NRG4: variants seen among roughly 807,000 people sequenced by gnomAD.
NRG4 encodes the protein pro-neuregulin-4, membrane-bound isoform.
NRG4 carries 10 observed loss-of-function variants against 15.0 expected under a neutral mutation model. The observed-to-expected ratio is 0.67, with a 90% CI of 0.41 to 1.13. The LOEUF (loss-of-function observed/expected upper bound fraction) is 1.13, where lower values mean the gene tolerates loss of function less well. NRG4 is among the 50% of genes most tolerant of loss of function. The pLI is 0.00. For synonymous variants in NRG4, 41 were observed against 50.1 expected (o/e 0.82, Z 0.77); for missense variants, 139 against 140.2 (o/e 0.99, Z 0.04).
At chr15:76,030,102 CAAA>C (rs1208767127) in intron 5 of NRG4, among the ~76,000 whole-genome samples, 1 of 151,930 alleles carries the variant, frequency 6.6e-6, no homozygotes, top group African/African-American at 2.4e-5. Flanking sequence ...ACTAAAAATA[CAAA>C]AAATTAGCCA....
At chr15:76,025,359 A>AGC (rs2035282584) in intron 5 of NRG4, among the ~76,000 whole-genome samples, 1 of 152,160 alleles carries the variant, frequency 6.6e-6, no homozygotes, top group African/African-American at 2.4e-5. Flanking sequence ...GAATGGTGTG[A>AGC]ACCCGGCAGG....
intron 3 of NRG4, among the ~76,000 whole-genome samples, chr15:75,979,215 G>A (rs1229631023): frequency 6.6e-6 from 1 of 152,042 alleles, no homozygotes; most frequent in Non-Finnish European, 1.5e-5. Flanking sequence ...GTGTCCTAAA[G>A]CATTTCCCCC....
At chr15:75,961,735 A>G (rs2032529619) in intron 4 of NRG4, 93 bp downstream of exon 4, 1 of 883,304 alleles carries the variant, frequency 1.1e-6, no homozygotes, top group Non-Finnish European at 1.8e-6. Context: ...CAGTATCTGG[A>G]AAAATATCTA....
chr15:76,014,446 A>T (rs574470432), upstream of NRG4, among the ~76,000 whole-genome samples: 11 of 152,250 alleles, frequency 7.2e-5, no homozygotes, highest in African/African-American at 2.4e-4. Flanking sequence ...GGTATTGCCT[A>T]GGTTTCTTTC....
intron 3 of NRG4, chr15:75,971,211 A>G (rs1310663773): frequency 6.6e-6 from 3 of 455,124 alleles, no homozygotes; most frequent in South Asian, 4.7e-5. Context: ...GCCAGTTGTG[A>G]CATCTATTGG....
At chr15:76,029,066 G>A (rs2035399469) in intron 5 of NRG4, among the ~76,000 whole-genome samples, 2 of 152,006 alleles carry the variant, frequency 1.3e-5, no homozygotes, top group Non-Finnish European at 2.9e-5. Flanking sequence ...ATACTAGCAA[G>A]CCAAATCCAA....
chr15:75,946,697 C>G (rs994913660), intron 5 of NRG4, among the ~76,000 whole-genome samples: 4 of 152,132 alleles, frequency 2.6e-5, no homozygotes, highest in African/African-American at 9.7e-5. Flanking sequence ...GAAACTCTAC[C>G]CATTAAACAG....
At chr15:76,053,911 G>T (rs1175921682) in intron 2 of NRG4, among the ~76,000 whole-genome samples, 1 of 150,942 alleles carries the variant, frequency 6.6e-6, no homozygotes, top group Non-Finnish European at 1.5e-5. Flanking sequence ...ACATGTATAT[G>T]TACTCGCTGA....
In NRG4 at chr15:75,941,227, T is replaced by C. The variant is rs1158499276; in HGVS notation, c.*2411A>G. 2 of 152,054 alleles carry C rather than the reference T, an allele frequency of 1.3e-5. No individual in the cohort carries two copies. The highest frequency in any genetic ancestry group is 4.8e-5 in the African/African-American group (2 of 41,402). The allele number at this position is 152,054 out of a possible 1,614,324, so 9.4% of individuals were successfully genotyped here. The stretch of plus-strand genomic sequence containing the variant: ...AAGGAAATGCAAATCAAAACCACAT[T>C]GAGATACCACTTCATACCCACTGGG... On this transcript the variant is annotated 3_prime_UTR_variant, in exon 6 of 6. Transcript: ENST00000394907.
intron 3 of NRG4, among the ~76,000 whole-genome samples, chr15:75,996,535 A>G (rs189311861): frequency 9.6e-4 from 146 of 152,334 alleles, no homozygotes; most frequent in South Asian, 1.9e-3. Flanking sequence ...TTGAAAGGTC[A>G]GGAAACTAGA....
intron 5 of NRG4, among the ~76,000 whole-genome samples, chr15:75,951,697 A>G (rs1045628690): frequency 6.6e-6 from 1 of 152,098 alleles, no homozygotes; most frequent in African/African-American, 2.4e-5. Flanking sequence ...CATTCAGCAT[A>G]AGAACCTTAC....
intron 2 of NRG4, among the ~76,000 whole-genome samples, chr15:76,055,205 C>CGGCGGA (rs965728460): frequency 1.3e-5 from 2 of 152,170 alleles, no homozygotes; most frequent in Non-Finnish European, 2.9e-5. Flanking sequence ...ATTGCTTGAA[C>CGGCGGA]GGCGGAGGCG....
intron 5 of NRG4, among the ~76,000 whole-genome samples, chr15:75,944,338 T>C (rs1595936045): frequency 1.3e-5 from 2 of 152,290 alleles, no homozygotes; most frequent in African/African-American, 2.4e-5. Flanking sequence ...GTGGTGTGCA[T>C]GATCATACTG....
intron 5 of NRG4, among the ~76,000 whole-genome samples, chr15:76,026,417 A>G (rs2035316624): frequency 1.3e-5 from 2 of 152,232 alleles, no homozygotes; most frequent in African/African-American, 4.8e-5. Flanking sequence ...ACTATCAGCA[A>G]AGAGTATTAT....
downstream of NRG4, chr15:75,936,929 TAGCCAGTAA>T (rs1255024565): frequency 6.6e-6 from 1 of 152,094 alleles, no homozygotes; most frequent in Non-Finnish European, 1.5e-5. Flanking sequence ...TAGTGACTGT[TAGCCAGTAA>T]AAACAGGGAA....
At chr15:75,968,688 G>A (rs1406961811) in intron 3 of NRG4, among the ~76,000 whole-genome samples, 1 of 151,894 alleles carries the variant, frequency 6.6e-6, no homozygotes, top group Non-Finnish European at 1.5e-5. Context: ...ATGGCTTGAG[G>A]CCAGGAGTTT....
At chr15:75,968,686 A>G (rs2032947308) in intron 3 of NRG4, among the ~76,000 whole-genome samples, 1 of 151,678 alleles carries the variant, frequency 6.6e-6, no homozygotes, top group Admixed American at 6.6e-5. Context: ...AGATGGCTTG[A>G]GGCCAGGAGT....
intron 5 of NRG4, among the ~76,000 whole-genome samples, chr15:75,954,463 T>C (rs1331911630): frequency 6.6e-6 from 1 of 150,654 alleles, no homozygotes; most frequent in Non-Finnish European, 1.5e-5. Context: ...GGAATCTTGC[T>C]CTGTTGCCCA....
intron 3 of NRG4, among the ~76,000 whole-genome samples, chr15:75,964,312 A>G (rs946471035): frequency 6.6e-6 from 1 of 152,038 alleles, no homozygotes; most frequent in African/African-American, 2.4e-5. Flanking sequence ...CTTTAAAATA[A>G]CAAAAATAAA....
Sources: allele counts gnomAD v4.1 joint callset (sites outside exome capture counted in the v4.1 genomes callset), GRCh38; gene constraint gnomAD v4.1.1; transcripts MANE v1.5; gene names NCBI Gene and HGNC (gene_info 2026-07-23, HGNC 2026-07-21).